Variants in ASCC3 observed in about 807,000 individuals in gnomAD.
ASCC3 encodes the protein activating signal cointegrator 1 complex subunit 3, also known as ASC-1 complex subunit P200.
ASCC3 carries 158 observed loss-of-function variants against 256.3 expected under a neutral mutation model. That is an observed-to-expected ratio of 0.62 (90% CI 0.54 to 0.70). The LOEUF is 0.70. Among genes scored for constraint, ASCC3 ranks in the 30% least tolerant of loss-of-function variants. The pLI is 0.00. For missense variants in ASCC3, 2,259 were observed against 2,626.0 expected (o/e 0.86, Z 3.05); for synonymous variants, 948 against 883.4 (o/e 1.07, Z -1.30).
chr6:100,691,399 T>A (rs1777842333), intron 13 of ASCC3, among the ~76,000 whole-genome samples: 1 of 152,018 alleles, frequency 6.6e-6, no homozygotes, highest in South Asian at 2.1e-4. Context: ...CTTAAGCATA[T>A]GTATTTTTTG....
At chr6:100,568,396 G>C (rs1770381977) in intron 36 of ASCC3, among the ~76,000 whole-genome samples, 1 of 151,278 alleles carries the variant, frequency 6.6e-6, no homozygotes, top group Non-Finnish European at 1.5e-5. Context: ...ATTCTGACTG[G>C]TATGAGATAG....
intron 4 of ASCC3, among the ~76,000 whole-genome samples, chr6:100,843,158 G>A (rs1048423197): frequency 2.0e-5 from 3 of 152,046 alleles, no homozygotes; most frequent in African/African-American, 4.8e-5. Context: ...AACAAAAAAC[G>A]AGAATCACTG....
In ASCC3 at chr6:100,584,198, CCCAT is replaced by C. The variant is rs1221911806; in HGVS notation, c.5550+5432_5550+5435del. Among the ~76,000 whole-genome samples, 3 of 151,092 alleles carry C rather than the reference CCCAT, an allele frequency of 2.0e-5. No homozygotes were observed. The East Asian group carries it at 5.8e-4, about 29-fold the overall frequency. ...TGTTGACAGTGGGGTGTTAAAGTCT[CCCAT>C]TATTAATGTGTGGGAGTCTAAGTCT... is the stretch of plus-strand genomic sequence containing the variant. On this transcript the variant is annotated intron_variant, in intron 36 of 41. Transcript: ENST00000369162.
chr6:100,671,715 C>G (rs1221956520), intron 14 of ASCC3, among the ~76,000 whole-genome samples: 2 of 152,060 alleles, frequency 1.3e-5, no homozygotes, highest in Non-Finnish European at 2.9e-5. Flanking sequence ...TGCAGAACTT[C>G]TTTCCACGAC....
chr6:100,723,703 G>A (rs1019798610), intron 11 of ASCC3, among the ~76,000 whole-genome samples: 1 of 150,448 alleles, frequency 6.6e-6, no homozygotes, highest in Non-Finnish European at 1.5e-5. Context: ...TGACTCCCAG[G>A]GTTTTGGCTT....
At chr6:100,570,463 C>G (rs921152751) in intron 36 of ASCC3, among the ~76,000 whole-genome samples, 1 of 152,088 alleles carries the variant, frequency 6.6e-6, no homozygotes, top group African/African-American at 2.4e-5. Context: ...CTTCTTGAGA[C>G]CATCCCCTTC....
intron 10 of ASCC3, among the ~76,000 whole-genome samples, chr6:100,742,289 G>A (rs975082361): frequency 6.6e-6 from 1 of 151,846 alleles, no homozygotes; most frequent in Non-Finnish European, 1.5e-5. Context: ...TGGCCTGAAC[G>A]TGCCTGAAGG....
At chr6:100,858,462 A>T (rs1773065795) in intron 3 of ASCC3, 1 of 581,246 alleles carries the variant, frequency 1.7e-6, no homozygotes, top group Admixed American at 6.3e-5. Context: ...TTATAGCTAC[A>T]GCTTATCAGA....
chr6:100,513,163 C>T (rs915255444), intron 39 of ASCC3, among the ~76,000 whole-genome samples: 6 of 152,030 alleles, frequency 3.9e-5, no homozygotes, highest in African/African-American at 1.4e-4. Context: ...TAACATAATC[C>T]AGTGATTTTG....
At chr6:100,676,767 C>T (rs575460694) in intron 14 of ASCC3, among the ~76,000 whole-genome samples, 1,775 of 37,154 alleles carry the variant, frequency 0.048, 18 homozygotes, top group Non-Finnish European at 0.075. Context: ...CACACTCACA[C>T]ACACACACAC....
At chr6:100,564,030 C>T (rs1425057834) in intron 36 of ASCC3, among the ~76,000 whole-genome samples, 3 of 151,556 alleles carry the variant, frequency 2.0e-5, no homozygotes, top group Non-Finnish European at 4.4e-5. Context: ...GACGCCAAAG[C>T]CCATCTTCTT....
chr6:100,779,663 A>C (rs1782357431), intron 8 of ASCC3, among the ~76,000 whole-genome samples: 1 of 152,184 alleles, frequency 6.6e-6, no homozygotes, highest in African/African-American at 2.4e-5. Flanking sequence ...CAGATAAACA[A>C]GTGTAGAAAG....
intron 30 of ASCC3, among the ~76,000 whole-genome samples, chr6:100,616,703 T>C (rs1263299848): frequency 6.6e-6 from 1 of 152,144 alleles, no homozygotes; most frequent in Non-Finnish European, 1.5e-5. Flanking sequence ...CTTAAAACAT[T>C]CATGGCAAAA....
intron 10 of ASCC3, among the ~76,000 whole-genome samples, chr6:100,747,500 A>T (rs573676975): frequency 6.6e-6 from 1 of 152,256 alleles, no homozygotes; most frequent in African/African-American, 2.4e-5. Context: ...GTGAAAATTA[A>T]AGGGATAAAC....
At chr6:100,741,302 C>T (rs1780421706) in intron 10 of ASCC3, among the ~76,000 whole-genome samples, 1 of 152,152 alleles carries the variant, frequency 6.6e-6, no homozygotes, top group South Asian at 2.1e-4. Context: ...TTCTCTCTGG[C>T]TGCCCTTAAC....
chr6:100,616,843 C>T (rs2114837412), intron 30 of ASCC3, among the ~76,000 whole-genome samples: 1 of 152,224 alleles, frequency 6.6e-6, no homozygotes, highest in East Asian at 1.9e-4. Context: ...GGCCGCCCTG[C>T]TGTTAACTGG....
chr6:100,877,449 T>A (rs1323176356), intron 1 of ASCC3, among the ~76,000 whole-genome samples: 1 of 152,182 alleles, frequency 6.6e-6, no homozygotes, highest in Non-Finnish European at 1.5e-5. Flanking sequence ...GTGCCTTTTT[T>A]AAAAATTGAG....
intron 14 of ASCC3, among the ~76,000 whole-genome samples, chr6:100,672,372 C>T (rs1269670252): frequency 6.6e-6 from 1 of 151,906 alleles, no homozygotes; most frequent in Non-Finnish European, 1.5e-5. Flanking sequence ...AGGAGTCTTA[C>T]TGTATTGCCT....
intron 10 of ASCC3, among the ~76,000 whole-genome samples, chr6:100,751,086 T>C (rs757521565): frequency 1.5e-4 from 23 of 152,056 alleles, no homozygotes; most frequent in Non-Finnish European, 2.1e-4. Context: ...TCCAGATAAA[T>C]TGAATAGCCC....
Sources: allele counts gnomAD v4.1 joint callset (sites outside exome capture counted in the v4.1 genomes callset), GRCh38; gene constraint gnomAD v4.1.1; transcripts MANE v1.5; gene names NCBI Gene and HGNC (gene_info 2026-07-23, HGNC 2026-07-21).